The following ASTN2 variants were observed in gnomAD, a reference collection of about 807,000 sequenced individuals.
ASTN2 encodes the protein astrotactin 2, also known as astrotactin-2.
Under a neutral mutation model 139.8 loss-of-function variants are expected in ASTN2, and 54 were observed. That is an observed-to-expected ratio of 0.39 (90% CI 0.31 to 0.48). ASTN2 has a LOEUF of 0.48. Ranked by LOEUF, ASTN2 falls within the 20% of genes least tolerant of loss-of-function variation. ASTN2 has a pLI of 0.95. For synonymous variants in ASTN2, 756 were observed against 719.5 expected, an observed-to-expected ratio of 1.05 and a Z score of -0.81; for missense variants, 1,565 against 1,725.1, an observed-to-expected ratio of 0.91 and a Z score of 1.64.
intron 13 of ASTN2, among the ~76,000 whole-genome samples, chr9:116,774,905 T>C (rs951247525): frequency 3.9e-5 from 6 of 152,198 alleles, no homozygotes; most frequent in Non-Finnish European, 8.8e-5. Flanking sequence ...CATGGGCACA[T>C]GCTCATGCAT....
intron 17 of ASTN2, among the ~76,000 whole-genome samples, chr9:116,649,832 C>A (rs1857809274): frequency 6.6e-6 from 1 of 152,152 alleles, no homozygotes; most frequent in South Asian, 2.1e-4. Context: ...TCATGGCCCA[C>A]AGGATAGGGT....
intron 1 of ASTN2, among the ~76,000 whole-genome samples, chr9:117,324,912 A>C (rs1418024798): frequency 6.6e-6 from 1 of 152,132 alleles, no homozygotes; most frequent in East Asian, 1.9e-4. Context: ...AGGAAGGGAT[A>C]TATCTATGGG....
chr9:117,161,788 G>GA (rs1830559011), intron 3 of ASTN2, among the ~76,000 whole-genome samples: 1 of 151,930 alleles, frequency 6.6e-6, no homozygotes, highest in Non-Finnish European at 1.5e-5. Context: ...AACAAAGCAA[G>GA]AAAATCTACA....
At chr9:116,953,698 C>T (rs116259860) in intron 10 of ASTN2, among the ~76,000 whole-genome samples, 2,777 of 152,304 alleles carry the variant, frequency 0.018, 88 homozygotes, top group African/African-American at 0.064. Flanking sequence ...CTCCTGAGTG[C>T]AAAGCCCTGC....
intron 10 of ASTN2, among the ~76,000 whole-genome samples, chr9:116,953,828 G>A (rs1835633741): frequency 6.6e-6 from 1 of 152,088 alleles, no homozygotes; most frequent in South Asian, 2.1e-4. Context: ...CTTGTCCAAG[G>A]TCATTTAGCT....
intron 1 of ASTN2, among the ~76,000 whole-genome samples, chr9:117,300,362 A>G (rs1834845446): frequency 6.6e-6 from 1 of 152,216 alleles, no homozygotes; most frequent in Admixed American, 6.5e-5. Flanking sequence ...TGTCTAGGAC[A>G]TTACAGTCTT....
intron 11 of ASTN2, among the ~76,000 whole-genome samples, chr9:116,847,142 A>C (rs565485091): frequency 2.0e-5 from 3 of 151,918 alleles, no homozygotes; most frequent in Non-Finnish European, 2.9e-5. Flanking sequence ...TTTGAGATGG[A>C]GTCTTGCTCT....
intron 10 of ASTN2, among the ~76,000 whole-genome samples, chr9:116,926,588 T>C (rs1332583481): frequency 6.6e-6 from 1 of 152,212 alleles, no homozygotes; most frequent in Non-Finnish European, 1.5e-5. Flanking sequence ...TAATAATACA[T>C]CTAGCCATGC....
At chr9:117,031,172 G>T (rs1838236898) in intron 6 of ASTN2, among the ~76,000 whole-genome samples, 1 of 152,132 alleles carries the variant, frequency 6.6e-6, no homozygotes, top group Non-Finnish European at 1.5e-5. Context: ...TTTTGGGGAT[G>T]GGAGCAACAT....
chr9:116,726,888 C>A (rs1828640024), intron 15 of ASTN2, among the ~76,000 whole-genome samples: 1 of 152,138 alleles, frequency 6.6e-6, no homozygotes, highest in African/African-American at 2.4e-5. Flanking sequence ...TTCAAGGTTC[C>A]AAGCTCATCT....
intron 3 of ASTN2, among the ~76,000 whole-genome samples, chr9:117,145,399 T>A (rs1417410466): frequency 6.6e-6 from 1 of 152,210 alleles, no homozygotes; most frequent in African/African-American, 2.4e-5. Context: ...CCCTCTGGGC[T>A]GTGTCACCCG....
At chr9:117,079,710 T>C (rs1828374865) in intron 5 of ASTN2, among the ~76,000 whole-genome samples, 1 of 59,994 alleles carries the variant, frequency 1.7e-5, no homozygotes, top group Admixed American at 1.7e-4. Flanking sequence ...ACCAGATACA[T>C]GATGGCTTGA....
chr9:116,530,131 ATATATATATATATATATAT>A (rs1851272698), intron 19 of ASTN2, among the ~76,000 whole-genome samples: 1 of 29,362 alleles, frequency 3.4e-5, no homozygotes, highest in Non-Finnish European at 8.0e-5. Flanking sequence ...ATATATATAT[ATATATATATATATATATAT>A]AAAATAGAAT....
chr9:116,491,741 T>C (rs1317870775), intron 19 of ASTN2, among the ~76,000 whole-genome samples: 1 of 152,200 alleles, frequency 6.6e-6, no homozygotes, highest in Non-Finnish European at 1.5e-5. Context: ...GGCTTCTCTA[T>C]GCACAAATGA....
intron 13 of ASTN2, among the ~76,000 whole-genome samples, chr9:116,783,492 A>G (rs1390859926): frequency 1.3e-5 from 2 of 152,218 alleles, no homozygotes; most frequent in Non-Finnish European, 2.9e-5. Context: ...AGAAACAATT[A>G]GCATGTAGTG....
At chr9:117,120,980 G>A (rs1192660618) in intron 4 of ASTN2, among the ~76,000 whole-genome samples, 1 of 152,188 alleles carries the variant, frequency 6.6e-6, no homozygotes, top group Non-Finnish European at 1.5e-5. Context: ...CAGATGTAGT[G>A]TCTATGCTAC....
intron 19 of ASTN2, among the ~76,000 whole-genome samples, chr9:116,490,303 A>AAAAAAG (rs1564314423): frequency 5.7e-5 from 6 of 104,578 alleles, no homozygotes; most frequent in East Asian, 3.2e-4. Flanking sequence ...AAAAAAAAAA[A>AAAAAAG]GGGGGCATTG....
chr9:116,901,522 A>G (rs2132405110), intron 10 of ASTN2, among the ~76,000 whole-genome samples: 1 of 152,312 alleles, frequency 6.6e-6, no homozygotes, highest in African/African-American at 2.4e-5. Context: ...GACAGTCTGC[A>G]TAACATTGTA....
chr9:117,060,825 G>T lies in ASTN2; in HGVS notation c.1277-20860C>A, dbSNP rs186857494. 2.7e-3 allele frequency among the ~76,000 whole-genome samples: 415 copies of T among 152,216 alleles called. 1 individual carries two copies. The highest frequency in any genetic ancestry group is 7.3e-3 in the African/African-American group (305 of 41,542). ...CAGAAGAATAGCATGAACCCAGGAG[G>T]TGGAGCTTGCAGTGAGCCAAGATTG... On this transcript the variant is annotated intron_variant, in intron 5 of 22. Coordinates refer to ENST00000313400, the MANE Select transcript of ASTN2 (RefSeq NM_001365068.1).
Sources: allele counts gnomAD v4.1 joint callset (sites outside exome capture counted in the v4.1 genomes callset), GRCh38; gene constraint gnomAD v4.1.1; transcripts MANE v1.5; gene names NCBI Gene and HGNC (gene_info 2026-07-23, HGNC 2026-07-21).